ABR: variants seen among roughly 807,000 people sequenced by gnomAD.
ABR encodes the protein ABR activator of RhoGEF and GTPase, also known as active breakpoint cluster region-related protein.
A neutral mutation model predicts 107.2 loss-of-function variants in ABR; 35 were observed. The observed-to-expected ratio is 0.33, with a 90% confidence interval of 0.25 to 0.43. The LOEUF (loss-of-function observed/expected upper bound fraction) is 0.43. ABR is among the 20% of genes least tolerant of loss of function. The probability of loss-of-function intolerance (pLI) is 1.00; values close to 1 mark genes in which losing one functional copy is unlikely to be tolerated. For synonymous variants in ABR, 498 were observed against 462.0 expected (o/e 1.08, Z -1.00); for missense variants, 815 against 1,115.2 (o/e 0.73, Z 3.83).
At chr17:1,147,307 A>G (rs2040594604) in intron 1 of ABR, among the ~76,000 whole-genome samples, 1 of 151,708 alleles carries the variant, frequency 6.6e-6, no homozygotes, top group African/African-American at 2.4e-5. Flanking sequence ...AGCAAGCAGC[A>G]GCTTGCTTGT....
intron 4 of ABR, among the ~76,000 whole-genome samples, chr17:1,088,232 A>G (rs2036756318): frequency 6.6e-6 from 1 of 152,014 alleles, no homozygotes; most frequent in African/African-American, 2.4e-5. Context: ...CCAAGTGACA[A>G]AGATAAACTG....
intron 16 of ABR, among the ~76,000 whole-genome samples, chr17:1,022,120 A>AAAACAAAACAAAAAC (rs1555534385): frequency 8.4e-6 from 1 of 118,388 alleles, no homozygotes; most frequent in African/African-American, 3.7e-5. Context: ...AAAAAAAAAA[A>AAAACAAAACAAAAAC]AAAAACAGAA....
At chr17:1,136,206 CTGTTTTGTTTT>C (rs960635821) in intron 1 of ABR, among the ~76,000 whole-genome samples, 2 of 151,968 alleles carry the variant, frequency 1.3e-5, no homozygotes, top group African/African-American at 4.8e-5. Context: ...AAAATCTGAT[CTGTTTTGTTTT>C]TGTTTTGTTT....
intron 1 of ABR, among the ~76,000 whole-genome samples, chr17:1,224,448 C>T (rs1342110820): frequency 2.6e-5 from 4 of 152,174 alleles, no homozygotes; most frequent in Non-Finnish European, 4.4e-5. Context: ...TGAGGCCTCA[C>T]GTGTTCTCTC....
Position 1,154,812 on chromosome 17 carries a change from T to G in ABR, c.61+24855A>C, listed in dbSNP as rs576891442. On this transcript the variant is annotated intron_variant, in intron 1 of 22. Coordinates refer to ENST00000302538, the MANE Select transcript of ABR (RefSeq NM_021962.5). This position sits in a 1 kb window ranked among gnomAD's most constrained non-coding sequence, Gnocchi z 4.0. ...ACGATGCCACTAGTGCCAAGAATGC[T>G]TCCCTCCTGCAGGCCCCGCTCCCTT... The G allele has an allele frequency of 3.9e-5, 6 of 152,470 alleles. No homozygotes were observed. Among genetic ancestry groups the G allele is most frequent in the Non-Finnish European group, 8.8e-5 (6 of 68,164 alleles). 9.4% of individuals were successfully genotyped at this position (152,470 alleles called of 1,614,324 possible).
Position 1,005,106 on chromosome 17 carries a change from C to G in ABR, c.*974G>C, listed in dbSNP as rs2069926639. ...GACACCCAGCGTGGCATGTGCATTC[C>G]TCCCCCGTTCAGCCTGTGGTGTTTC... On this transcript the variant is annotated 3_prime_UTR_variant, in exon 23 of 23. Coordinates refer to ENST00000302538, the MANE Select transcript of ABR (RefSeq NM_021962.5). 1 of 398,722 alleles carries G rather than the reference C, an allele frequency of 2.5e-6. No homozygotes were observed. The highest frequency in any genetic ancestry group is 4.4e-5 in the Admixed American group (1 of 22,718). 24.7% of individuals were successfully genotyped at this position (398,722 alleles called of 1,614,324 possible). A position where few individuals can be genotyped will look rare whatever the true frequency, so the allele number is the denominator to read the frequency against.
In ABR at chr17:1,200,006, G is replaced by A. The variant is rs2042642840; in HGVS notation, c.838+28787C>T. ...TGTTACATATGTATACATGTGCCATGTTGGTGTGCTGCAACCATAGAGCTC... is the reference window on the plus strand; with the variant it reads ...TGTTACATATGTATACATGTGCCATATTGGTGTGCTGCAACCATAGAGCTC... On this transcript the variant is annotated intron_variant, in intron 1 of 22. Coordinates refer to the ABR transcript ENST00000574139. The surrounding 1 kb of genome is among the most constrained non-coding windows in gnomAD (Gnocchi z 4.1). 1.3e-5 allele frequency among the ~76,000 whole-genome samples: 2 copies of A among 151,254 alleles called. No individual in the cohort carries two copies. Among genetic ancestry groups the A allele is most frequent in the African/African-American group, 4.9e-5 (2 of 41,114 alleles).
intron 9 of ABR, among the ~76,000 whole-genome samples, chr17:1,068,289 G>C (rs2034923449): frequency 6.6e-6 from 1 of 152,222 alleles, no homozygotes; most frequent in Non-Finnish European, 1.5e-5. Context: ...ACTTAGATTT[G>C]CACTTCTCAT....
intron 14 of ABR, chr17:1,055,211 A>G (rs1420827258): frequency 1.3e-5 from 2 of 152,202 alleles, no homozygotes. Context: ...TCTCTAAAAA[A>G]AAATTTTTTA....
At chr17:1,194,535 A>C (rs1185178823) in intron 1 of ABR, among the ~76,000 whole-genome samples, 1 of 120,214 alleles carries the variant, frequency 8.3e-6, no homozygotes, top group African/African-American at 2.8e-5. Flanking sequence ...TCTATCGCCC[A>C]GACTGGAGTG....
chr17:1,137,244 A>G (rs2040108093), intron 1 of ABR, among the ~76,000 whole-genome samples: 1 of 152,096 alleles, frequency 6.6e-6, no homozygotes, highest in African/African-American at 2.4e-5. Context: ...GGGTTTCACC[A>G]TGTTGGCCAG....
At chr17:1,039,569 G>C (rs562901295) in intron 16 of ABR, 19 of 152,754 alleles carry the variant, frequency 1.2e-4, no homozygotes, top group African/African-American at 4.6e-4. Flanking sequence ...GGGAGTCTGG[G>C]CTGGAGAACA....
chr17:1,229,007 C>T (rs2043280155), exon 1 of ABR: 3 of 151,628 alleles, frequency 2.0e-5, no homozygotes, highest in Admixed American at 6.6e-5. Context: ...GGTCGCGGGT[C>T]CCCCGCTGCG....
chr17:1,194,598 C>A lies in ABR; in HGVS notation c.838+34195G>T, dbSNP rs1450042788. On this transcript the variant is annotated intron_variant, in intron 1 of 22. Coordinates refer to the ABR transcript ENST00000574139. ...TCTCGACCTCCCAGGCTCAAGCCAT[C>A]CCCCTGCCTCAACTTCTTGCATAGC... is the stretch of plus-strand genomic sequence containing the variant. Among the ~76,000 whole-genome samples, 4 of 128,792 alleles carry A rather than the reference C, an allele frequency of 3.1e-5. 1 individual carries two copies. Among genetic ancestry groups the A allele is most frequent in the Non-Finnish European group, 5.0e-5 (3 of 59,896 alleles). The allele number at this position is 128,792 out of a possible 152,430, so 84.5% of individuals were successfully genotyped here.
chr17:1,083,637 G>C lies in ABR; in HGVS notation c.532-10C>G. 2 of 1,609,106 alleles carry C rather than the reference G, an allele frequency of 1.2e-6. No homozygotes were observed. The highest frequency in any genetic ancestry group is 1.7e-6 in the Non-Finnish European group (2 of 1,175,586). On this transcript the variant is annotated splice_polypyrimidine_tract_variant and intron_variant, in intron 4 of 22. Transcript: ENST00000302538. ...CACCGAGCTGGCTGGCCTGCAGGGAGGAGTCAGGGAACAGAGGGAGAGGAG... is the reference window on the plus strand; with the variant it reads ...CACCGAGCTGGCTGGCCTGCAGGGACGAGTCAGGGAACAGAGGGAGAGGAG...
chr17:1,078,719 G>A lies in ABR; in HGVS notation c.700+611C>T, dbSNP rs1482456335. ...CCGCTCGCCCACCCTCCTTCCCTGC[G>A]GCCCTCTAACCTCCCCGGCCACATC... On this transcript the variant is annotated intron_variant, in intron 6 of 22. Coordinates refer to ENST00000302538, the MANE Select transcript of ABR (RefSeq NM_021962.5). This position sits in a 1 kb window ranked among gnomAD's most constrained non-coding sequence, Gnocchi z 7.5. The A allele has an allele frequency of 1.8e-5, 24 of 1,299,072 alleles. No individual in the cohort carries two copies. The highest frequency in any genetic ancestry group is 1.9e-4 in the Middle Eastern group (1 of 5,396). The allele number at this position is 1,299,072 out of a possible 1,614,324, so 80.5% of individuals were successfully genotyped here. A position where few individuals can be genotyped will look rare whatever the true frequency, so the allele number is the denominator to read the frequency against.
Position 1,007,300 on chromosome 17 carries a change from C to T in ABR, c.2355G>A (p.Lys785=), listed in dbSNP as rs1372168723. ...GAAGTGACATTTTGTTGATGGGCTC[C>T]TTCTCGGCAACCCTAAGAAGGAGAA... ...LLEHLKRVAE[K]EPINKMSLHN... The change falls in exon 22 of 23, where the codon AAG becomes AAA. Residue 785 remains lysine (K), a synonymous_variant. Coordinates refer to ENST00000302538, the MANE Select transcript of ABR (RefSeq NM_021962.5). 3 of 1,613,990 alleles carry T rather than the reference C, an allele frequency of 1.9e-6. No individual in the cohort carries two copies. Among genetic ancestry groups the T allele is most frequent in the Non-Finnish European group, 2.5e-6 (3 of 1,179,992 alleles).
Position 1,031,879 on chromosome 17 carries a change from C to T in ABR, c.1791+18171G>A, listed in dbSNP as rs2072822788. On this transcript the variant is annotated intron_variant, in intron 16 of 22. Coordinates refer to ENST00000302538, the MANE Select transcript of ABR (RefSeq NM_021962.5). Reference sequence around the variant, plus strand: ...CTCCCTCCCTCCCTCCCCGCGCTCCCCTCCCTCCCTCCCTCCGTCCGCGTC... The same window carrying T: ...CTCCCTCCCTCCCTCCCCGCGCTCCTCTCCCTCCCTCCCTCCGTCCGCGTC... 5 of 1,062,982 alleles carry T rather than the reference C, an allele frequency of 4.7e-6. No individual in the cohort carries two copies. In the East Asian group the frequency reaches 1.1e-4, roughly 23 times the overall value. 65.8% of individuals were successfully genotyped at this position (1,062,982 alleles called of 1,614,324 possible).
At position 1,037,663 on chromosome 17, in the gene ABR, CCTCCCG is replaced by C. The variant is rs1248974968; in HGVS notation, c.1791+12381_1791+12386del. On this transcript the variant is annotated intron_variant, in intron 16 of 22. Coordinates refer to ENST00000302538, the MANE Select transcript of ABR (RefSeq NM_021962.5). This position sits in a 1 kb window ranked among gnomAD's most constrained non-coding sequence, Gnocchi z 4.6. ...CCCCCTGGGCTGCTTGCCTGCTCCT[CCTCCCG>C]GGAAGGAGGGGGTGTGGCCGGGTCT... 6.6e-6 allele frequency among the ~76,000 whole-genome samples: 1 copy of C among 152,192 alleles called. No homozygotes were observed. The highest frequency in any genetic ancestry group is 2.4e-5 in the African/African-American group (1 of 41,452).
Sources: gnomAD v4.1 joint callset for allele counts (sites outside exome capture counted in the v4.1 genomes callset) on GRCh38, gnomAD v4.1.1 for gene constraint, Gnocchi (gnomAD v3.1) non-coding constraint, MANE v1.5 for transcripts, NCBI Gene and HGNC (gene_info 2026-07-23, HGNC 2026-07-21) for gene names.